HERC1: variants seen among roughly 807,000 people sequenced by gnomAD.
HERC1 encodes HECT and RLD domain containing E3 ubiquitin protein ligase family member 1, also known as probable E3 ubiquitin-protein ligase HERC1.
Under a neutral mutation model 554.3 loss-of-function variants are expected in HERC1, and 160 were observed. That is an observed-to-expected ratio of 0.29 (90% CI 0.25 to 0.33). The LOEUF is 0.33. Among genes scored for constraint, HERC1 ranks in the 10% least tolerant of loss-of-function variants. HERC1 has a pLI of 1.00. For missense variants in HERC1, 4,919 were observed against 5,918.5 expected, an observed-to-expected ratio of 0.83 and a Z score of 5.54; for synonymous variants, 2,175 against 2,131.7, an observed-to-expected ratio of 1.02 and a Z score of -0.56.
intron 1 of HERC1, among the ~76,000 whole-genome samples, chr15:63,826,878 C>T (rs1163164659): frequency 1.5e-5 from 2 of 130,260 alleles, no homozygotes; most frequent in East Asian, 2.3e-4. Context: ...TGCTTTCACA[C>T]ATTACTGGTG....
At chr15:63,660,800 TA>T (rs2070315053) in intron 46 of HERC1, among the ~76,000 whole-genome samples, 172 bp downstream of exon 46, 1 of 152,234 alleles carries the variant, frequency 6.6e-6, no homozygotes, top group Non-Finnish European at 1.5e-5. Context: ...CTTTGACTTT[TA>T]AACCAGCGTT....
At chr15:63,744,158 G>C (rs1567078017) in intron 12 of HERC1, among the ~76,000 whole-genome samples, 39 of 42,332 alleles carry the variant, frequency 9.2e-4, no homozygotes, top group African/African-American at 2.4e-3. Flanking sequence ...GTGTGTGTGT[G>C]TGTGTGTCTC....
chr15:63,784,531 G>A (rs1254609713), intron 1 of HERC1, among the ~76,000 whole-genome samples: 1 of 152,232 alleles, frequency 6.6e-6, no homozygotes, highest in South Asian at 2.1e-4. Flanking sequence ...GTTACTGGGA[G>A]CTGGGGTAGG....
intron 25 of HERC1, among the ~76,000 whole-genome samples, chr15:63,702,854 C>T (rs1455703100): frequency 6.6e-6 from 1 of 152,082 alleles, no homozygotes; most frequent in African/African-American, 2.4e-5. Context: ...GCCTGTAATC[C>T]CAGTACTTTG....
intron 3 of HERC1, among the ~76,000 whole-genome samples, chr15:63,763,675 A>C (rs925818948): frequency 3.3e-5 from 5 of 152,150 alleles, no homozygotes; most frequent in African/African-American, 1.2e-4. Flanking sequence ...CAAAGTCACA[A>C]TAGTGGTTAC....
intron 1 of HERC1, among the ~76,000 whole-genome samples, chr15:63,825,705 C>A (rs2077873730): frequency 6.6e-6 from 1 of 151,928 alleles, no homozygotes; most frequent in Non-Finnish European, 1.5e-5. Flanking sequence ...AATCAGCACT[C>A]AGCATCTATT....
Position 63,632,782 on chromosome 15 carries a change from T to C in HERC1, c.12723A>G (p.Ile4241Met). 6.4e-7 allele frequency: 1 copy of C among 1,568,264 alleles called. No individual in the cohort carries two copies. The highest frequency in any genetic ancestry group is 8.7e-7 in the Non-Finnish European group (1 of 1,154,800). ...ACTGAGTTCCACAAGCAACCTTTTT[T>C]ATTCCAATTCCACAAAGGACGTCAA... ...QKIDVLCGIG[I>M]KKVACGTQFS... The change falls in exon 68 of 78, where the codon ATA (isoleucine) becomes ATG (methionine). Residue 4241 changes from isoleucine to methionine, a missense_variant. Physicochemically the swap from Ile to Met is conservative, Grantham distance 10 (BLOSUM62 1). Coordinates refer to ENST00000443617, the MANE Select transcript of HERC1 (RefSeq NM_003922.4).
chr15:63,789,123 C>G, intron 1 of HERC1, among the ~76,000 whole-genome samples: 1 of 112,124 alleles, frequency 8.9e-6, no homozygotes, highest in African/African-American at 3.5e-5. Context: ...CGGAGTCTCG[C>G]TCTGTCGCCC....
chr15:63,815,675 C>T (rs537735143), intron 1 of HERC1, among the ~76,000 whole-genome samples: 3 of 152,302 alleles, frequency 2.0e-5, no homozygotes, highest in Admixed American at 2.0e-4. Flanking sequence ...GTCAAACACA[C>T]TCTTCATGGT....
At chr15:63,675,351 C>A (rs1168510724) in intron 37 of HERC1, among the ~76,000 whole-genome samples, 5 of 152,126 alleles carry the variant, frequency 3.3e-5, no homozygotes. Flanking sequence ...AGAATATTCA[C>A]TAATATATAA....
At chr15:63,829,561 G>GTGTGTATATA (rs1220043639) in intron 1 of HERC1, among the ~76,000 whole-genome samples, 22 of 81,724 alleles carry the variant, frequency 2.7e-4, no homozygotes, top group South Asian at 1.2e-3. Flanking sequence ...GTGTGTGTGT[G>GTGTGTATATA]TATATATATA....
intron 38 of HERC1, among the ~76,000 whole-genome samples, chr15:63,673,848 C>CT (rs1181976456): frequency 6.6e-6 from 1 of 152,202 alleles, no homozygotes; most frequent in Non-Finnish European, 1.5e-5. Context: ...CCTTAGCTTC[C>CT]TGAGTAGCTG....
intron 24 of HERC1, among the ~76,000 whole-genome samples, chr15:63,711,145 G>T (rs1488864523): frequency 6.6e-6 from 1 of 152,110 alleles, no homozygotes; most frequent in Non-Finnish European, 1.5e-5. Context: ...ATCAGCCTGG[G>T]CAACAGAGCA....
In HERC1 at chr15:63,720,102, C is replaced by CTTTTTTTTTTTTTTTTTTTTT. The variant is rs1214451219; in HGVS notation, c.3743-1206_3743-1205insAAAAAAAAAAAAAAAAAAAAA. On this transcript the variant is annotated intron_variant, in intron 19 of 77. Coordinates refer to ENST00000443617, the MANE Select transcript of HERC1 (RefSeq NM_003922.4). ...AGGACTAGTCAGGTGCTTTTTCTTCCCTTTTTTTTTTTTTTTAAGAGACAG... is the reference window on the plus strand; with the variant it reads ...AGGACTAGTCAGGTGCTTTTTCTTCCTTTTTTTTTTTTTTTTTTTTTCTTTTTTTTTTTTTTTAAGAGACAG... Among the ~76,000 whole-genome samples the CTTTTTTTTTTTTTTTTTTTTT allele has an allele frequency of 8.7e-3, 181 of 20,914 alleles. 1 individual carries two copies. Among genetic ancestry groups the CTTTTTTTTTTTTTTTTTTTTT allele is most frequent in the Non-Finnish European group, 0.022 (158 of 7,234 alleles). 13.7% of individuals were successfully genotyped at this position (20,914 alleles called of 152,430 possible).
chr15:63,769,008 C>T (rs1382354226), intron 2 of HERC1, among the ~76,000 whole-genome samples: 2 of 152,140 alleles, frequency 1.3e-5, no homozygotes, highest in African/African-American at 2.4e-5. Context: ...ACCAAACCAA[C>T]AAAATATCCC....
Position 63,826,796 on chromosome 15 carries a change from AAAAAAAAAAAAAAAAAAAATATAT to A in HERC1, c.-27+7007_-27+7030del, listed in dbSNP as rs1163192114. On this transcript the variant is annotated intron_variant, in intron 1 of 77. Coordinates refer to ENST00000443617, the MANE Select transcript of HERC1 (RefSeq NM_003922.4). Reference sequence around the variant, plus strand: ...CACTTATCTCTGGTAAAAAAAAAAAAAAAAAAAAAAAAAAAAAAATATATATATATATATATATATATATATAAA... The same window carrying A: ...CACTTATCTCTGGTAAAAAAAAAAAAATATATATATATATATATATATAAA... Among the ~76,000 whole-genome samples the A allele has an allele frequency of 1.4e-3, 73 of 52,362 alleles. 1 individual carries two copies. The highest frequency in any genetic ancestry group is 5.2e-3 in the African/African-American group (67 of 12,978). 34.4% of individuals were successfully genotyped at this position (52,362 alleles called of 152,430 possible).
At chr15:63,651,568 T>A (rs2069681572) in intron 52 of HERC1, among the ~76,000 whole-genome samples, 188 bp from the exon 53 acceptor site, 1 of 152,222 alleles carries the variant, frequency 6.6e-6, no homozygotes, top group South Asian at 2.1e-4. Flanking sequence ...AAAAATGAAT[T>A]ATAAAAGAGT....
Position 63,696,274 on chromosome 15 carries a change from G to C in HERC1, c.4971C>G (p.Ile1657Met). 1 of 1,613,464 alleles carries C rather than the reference G, an allele frequency of 6.2e-7. No individual in the cohort carries two copies. The highest frequency in any genetic ancestry group is 8.5e-7 in the Non-Finnish European group (1 of 1,179,684). The change falls in exon 27 of 78, where the codon ATC becomes ATG. Residue 1657 changes from isoleucine to methionine, a missense_variant. Physicochemically the swap from Ile to Met is conservative, Grantham distance 10 (BLOSUM62 1). Coordinates refer to ENST00000443617, the MANE Select transcript of HERC1 (RefSeq NM_003922.4). ...LLSGMEEKGS[I>M]SLAGSRLSSG... Reference sequence around the variant, plus strand: ...AACTCAATCTGCTTCCTGCCAGTGAGATGCTACCTTTTTCTTCCATCCCAG... The same window carrying C: ...AACTCAATCTGCTTCCTGCCAGTGACATGCTACCTTTTTCTTCCATCCCAG...
intron 21 of HERC1, among the ~76,000 whole-genome samples, chr15:63,717,630 G>C (rs1405885430): frequency 6.6e-6 from 1 of 152,162 alleles, no homozygotes; most frequent in Admixed American, 6.5e-5. Context: ...GAGGTGGGTG[G>C]ATCACTTGAG....
Sources: gnomAD v4.1 joint callset for allele counts (sites outside exome capture counted in the v4.1 genomes callset) on GRCh38, gnomAD v4.1.1 for gene constraint, MANE v1.5 for transcripts, NCBI Gene and HGNC (gene_info 2026-07-23, HGNC 2026-07-21) for gene names.